Variants in ROPN1 observed in about 807,000 individuals in gnomAD.
ROPN1 encodes ropporin-1A.
In ROPN1, 14 loss-of-function variants were observed where a neutral mutation model predicts 20.5. That is an observed-to-expected ratio of 0.68 (90% confidence interval 0.45 to 1.07). The LOEUF (loss-of-function observed/expected upper bound fraction) is 1.07. ROPN1 is among the 50% of genes least tolerant of loss of function. The probability of loss-of-function intolerance (pLI) is 0.00; values close to 1 mark genes in which losing one functional copy is unlikely to be tolerated. For missense variants in ROPN1, 169 were observed against 242.8 expected, an observed-to-expected ratio of 0.70 and a Z score of 2.02; for synonymous variants, 76 against 95.7, an observed-to-expected ratio of 0.79 and a Z score of 1.20.
chr3:123,974,388 A>C (rs919240788), intron 4 of ROPN1, among the ~76,000 whole-genome samples: 19 of 152,226 alleles, frequency 1.2e-4, no homozygotes, highest in African/African-American at 3.4e-4. Context: ...GCTATAAAGG[A>C]CAATGAAGAA....
intron 1 of ROPN1, chr3:123,980,808 CA>C (rs151042290): frequency 0.054 from 14,087 of 262,616 alleles, 550 homozygotes; most frequent in South Asian, 0.097. Flanking sequence ...CAGAATTTTT[CA>C]GTATATATAT....
chr3:123,988,351 G>T (rs1024985561), intron 1 of ROPN1, among the ~76,000 whole-genome samples: 3 of 151,992 alleles, frequency 2.0e-5, no homozygotes, highest in African/African-American at 7.3e-5. Context: ...TCACCATGTT[G>T]GTCAGGCTGA....
rs139252642 is a variant in ROPN1, at chr3:123,969,214, G to A, written c.580C>T (p.Pro194Ser). Residue 194 changes from proline to serine, a missense_variant, in exon 6 of 6, where the codon CCT becomes TCT. Around this residue, in one of 3 missense-constraint regions of ROPN1, gnomAD observed 82 missense variants for 100.1 expected, o/e 0.82. Transcript: ENST00000405845. ...TCATTCACTGTGATTATACCATCAG[G>A]GCCAATTCTGTTTGGAAAAAGGTAT... ...LNYMEQEVIG[P>S]DGIITVNDFT... 9.9e-6 allele frequency: 16 copies of A among 1,613,294 alleles called. No individual in the cohort carries two copies. In the African/African-American group the frequency reaches 2.1e-4, roughly 22 times the overall value.
chr3:123,974,603 C>A (rs2148992048), intron 4 of ROPN1: 1 of 152,436 alleles, frequency 6.6e-6, no homozygotes, highest in Admixed American at 6.5e-5. Flanking sequence ...CTTTTCATAC[C>A]ATTTGGTTTT....
At chr3:123,989,308 A>G (rs2038344905) in intron 1 of ROPN1, among the ~76,000 whole-genome samples, 1 of 152,154 alleles carries the variant, frequency 6.6e-6, no homozygotes, top group Non-Finnish European at 1.5e-5. Context: ...GGCAATGGGG[A>G]ACCACTAGAA....
In ROPN1 at chr3:123,980,392, C is replaced by T. The variant is rs753627280; in HGVS notation, c.90G>A (p.Pro30=). The change falls in exon 2 of 6, where the codon CCG becomes CCA. Residue 30 remains proline, a synonymous_variant. Transcript: ENST00000405845. ...CGGCTGCCCACTGGATGAGGTCCTG[C>T]GGCTGCACCCTAATGGCGGCTTTGG... ...EFAKAAIRVQ[P]QDLIQWAADY... is the part of the protein sequence containing the mutation. 2 of 1,614,210 alleles carry T rather than the reference C, an allele frequency of 1.2e-6. No individual in the cohort carries two copies. The highest frequency in any genetic ancestry group is 2.2e-5 in the East Asian group (1 of 44,882).
chr3:123,975,185 TCTC>T, intron 4 of ROPN1, 191 bp downstream of exon 4: 2 of 597,152 alleles, frequency 3.3e-6, no homozygotes, highest in African/African-American at 1.9e-5. Context: ...TGTTTCCCTC[TCTC>T]CTCCTCCCAA....
At chr3:123,979,642 T>G (rs1248551772) in intron 2 of ROPN1, 1 of 372,278 alleles carries the variant, frequency 2.7e-6, no homozygotes, top group Admixed American at 3.7e-5. Flanking sequence ...AGGTCTCTCC[T>G]GAAAGAAGGC....
At chr3:123,974,158 C>T (rs1420406820) in intron 4 of ROPN1, among the ~76,000 whole-genome samples, 1 of 151,972 alleles carries the variant, frequency 6.6e-6, no homozygotes, top group Non-Finnish European at 1.5e-5. Context: ...CAAGAAGATC[C>T]AAATTAACTA....
chr3:123,973,737 A>T, intron 4 of ROPN1, among the ~76,000 whole-genome samples: 1 of 152,210 alleles, frequency 6.6e-6, no homozygotes, highest in Non-Finnish European at 1.5e-5. Flanking sequence ...GCCAGGGAGC[A>T]GATAGGACAG....
At chr3:123,969,649 C>G (rs1218156233) in intron 5 of ROPN1, among the ~76,000 whole-genome samples, 1 of 152,172 alleles carries the variant, frequency 6.6e-6, no homozygotes, top group Non-Finnish European at 1.5e-5. Flanking sequence ...TCCTCCTCCT[C>G]CTTCTCCACT....
chr3:123,969,675 A>G (rs1362000519), intron 5 of ROPN1, among the ~76,000 whole-genome samples: 1 of 152,072 alleles, frequency 6.6e-6, no homozygotes, highest in East Asian at 1.9e-4. Context: ...TCCACTGGTC[A>G]TAGCTAAGCG....
intron 4 of ROPN1, among the ~76,000 whole-genome samples, chr3:123,973,958 T>C (rs977600550): frequency 5.9e-5 from 9 of 152,212 alleles, no homozygotes; most frequent in Non-Finnish European, 8.8e-5. Context: ...TTGACTGCTC[T>C]GTGGTCCTAG....
intron 3 of ROPN1, chr3:123,975,849 A>G: frequency 5.3e-6 from 2 of 374,432 alleles, no homozygotes; most frequent in South Asian, 4.2e-5. Flanking sequence ...AAATTGTTTT[A>G]TTCCTTATAT....
chr3:123,979,651 G>A, intron 2 of ROPN1: 1 of 373,616 alleles, frequency 2.7e-6, no homozygotes, highest in Non-Finnish European at 5.2e-6. Context: ...CTGAAAGAAG[G>A]CACCCGTGTT....
intron 1 of ROPN1, among the ~76,000 whole-genome samples, chr3:123,982,948 T>G (rs2038178734): frequency 6.6e-6 from 1 of 152,226 alleles, no homozygotes; most frequent in South Asian, 2.1e-4. Context: ...TATAAAATCA[T>G]ATGGCATATA....
chr3:123,984,298 T>C (rs920850622), intron 1 of ROPN1, among the ~76,000 whole-genome samples: 2 of 152,150 alleles, frequency 1.3e-5, no homozygotes, highest in African/African-American at 4.8e-5. Flanking sequence ...CTAGAATCCA[T>C]TGTCCATCTC....
intron 1 of ROPN1, among the ~76,000 whole-genome samples, chr3:123,990,444 T>C (rs2038381240): frequency 6.6e-6 from 1 of 151,724 alleles, no homozygotes; most frequent in Admixed American, 6.6e-5. Context: ...TAAAGGAGGG[T>C]CAGGTCAAAT....
chr3:123,986,985 G>A (rs1232183653), intron 1 of ROPN1, among the ~76,000 whole-genome samples: 1 of 152,224 alleles, frequency 6.6e-6, no homozygotes, highest in Non-Finnish European at 1.5e-5. Flanking sequence ...CCCATCTGAT[G>A]AACAAGACCG....
Sources: allele counts gnomAD v4.1 joint callset (sites outside exome capture counted in the v4.1 genomes callset), GRCh38; gene constraint gnomAD v4.1.1; regional missense constraint gnomAD v4.1.1; transcripts MANE v1.5; gene names NCBI Gene and HGNC (gene_info 2026-07-23, HGNC 2026-07-21).